The following GALNT17 variants were observed in gnomAD, a reference collection of about 807,000 sequenced individuals.
The protein encoded by GALNT17 is UDP-GalNAc:polypeptide N-acetylgalactosaminyltransferase-like 3.
GALNT17 carries 29 observed loss-of-function variants against 63.7 expected under a neutral mutation model. That is an observed-to-expected ratio of 0.46 (90% CI 0.34 to 0.62). The LOEUF is 0.62. Among genes scored for constraint, GALNT17 ranks in the 20% least tolerant of loss-of-function variants. The probability of loss-of-function intolerance (pLI) is 0.01; values close to 1 mark genes in which losing one functional copy is unlikely to be tolerated. For synonymous variants in GALNT17, 305 were observed against 318.3 expected (o/e 0.96, Z 0.45); for missense variants, 603 against 799.6 (o/e 0.75, Z 2.97).
At chr7:71,682,195 G>A (rs1354846277) in intron 9 of GALNT17, among the ~76,000 whole-genome samples, 1 of 152,156 alleles carries the variant, frequency 6.6e-6, no homozygotes, top group African/African-American at 2.4e-5. Flanking sequence ...GCAAAGTGCT[G>A]GGATTACAGG....
At chr7:71,266,900 A>T (rs1790500964) in intron 1 of GALNT17, among the ~76,000 whole-genome samples, 1 of 152,140 alleles carries the variant, frequency 6.6e-6, no homozygotes, top group Admixed American at 6.5e-5. Context: ...TTAGTAAAGG[A>T]GGCTGAAGAC....
At chr7:71,175,500 G>A (rs901040658) in intron 1 of GALNT17, among the ~76,000 whole-genome samples, 2 of 152,130 alleles carry the variant, frequency 1.3e-5, no homozygotes, top group Admixed American at 6.6e-5. Flanking sequence ...TTATGCAGGG[G>A]AGTGACTTGT....
intron 5 of GALNT17, among the ~76,000 whole-genome samples, chr7:71,519,441 A>G (rs1424145735): frequency 4.6e-5 from 7 of 152,002 alleles, no homozygotes; most frequent in Non-Finnish European, 1.0e-4. Context: ...CCAATCTCTG[A>G]GCTCTACTGC....
intron 5 of GALNT17, among the ~76,000 whole-genome samples, chr7:71,548,661 C>G (rs910409665): frequency 4.6e-5 from 7 of 152,204 alleles, no homozygotes; most frequent in Non-Finnish European, 1.0e-4. Flanking sequence ...GATCGTGAGG[C>G]CTCCCCAGCC....
chr7:71,364,345 T>C (rs1416155026), intron 2 of GALNT17, among the ~76,000 whole-genome samples: 2 of 152,184 alleles, frequency 1.3e-5, no homozygotes, highest in East Asian at 3.9e-4. Context: ...CTTTTCCTTC[T>C]CTGAGTGTCC....
chr7:71,651,116 C>T (rs552532903), intron 6 of GALNT17, among the ~76,000 whole-genome samples: 1 of 148,420 alleles, frequency 6.7e-6, no homozygotes, highest in East Asian at 2.0e-4. Flanking sequence ...AGTGTTTGAA[C>T]TGTCAGAGTC....
At chr7:71,280,508 C>G (rs1343698655) in intron 1 of GALNT17, among the ~76,000 whole-genome samples, 1 of 152,170 alleles carries the variant, frequency 6.6e-6, no homozygotes, top group Non-Finnish European at 1.5e-5. Context: ...TGAAGACCCT[C>G]TTGGTTGCAA....
chr7:71,492,287 A>T (rs767818532), intron 5 of GALNT17, among the ~76,000 whole-genome samples: 6 of 152,144 alleles, frequency 3.9e-5, no homozygotes, highest in East Asian at 1.9e-4. Context: ...CAAAATAAAT[A>T]AATAAATTAA....
At chr7:71,661,715 C>T (rs1034093372) in intron 6 of GALNT17, among the ~76,000 whole-genome samples, 1 of 152,120 alleles carries the variant, frequency 6.6e-6, no homozygotes, top group African/African-American at 2.4e-5. Context: ...CTTGCTGGAC[C>T]CCACAGCAGG....
chr7:71,377,114 A>AAAAAAAAAAAAAATAT, intron 2 of GALNT17, among the ~76,000 whole-genome samples: 1 of 57,486 alleles, frequency 1.7e-5, no homozygotes, highest in Non-Finnish European at 3.0e-5. Flanking sequence ...AAATAAAAAA[A>AAAAAAAAAAAAAATAT]ATATATATAT....
At chr7:71,582,436 G>T (rs1789649936) in intron 6 of GALNT17, among the ~76,000 whole-genome samples, 1 of 150,110 alleles carries the variant, frequency 6.7e-6, no homozygotes, top group Non-Finnish European at 1.5e-5. Flanking sequence ...AAAAAAAATA[G>T]CTGGGCATGG....
rs371165535 is a variant in GALNT17 at position 71,292,864 on chromosome 7, C to G, written c.239-42686C>G. Among the ~76,000 whole-genome samples the G allele has an allele frequency of 3.9e-5, 6 of 152,190 alleles. No homozygotes were observed. The East Asian group carries it at 9.7e-4, about 25-fold the overall frequency. On this transcript the variant is annotated intron_variant, in intron 1 of 10. Transcript: ENST00000333538. ...ATTTGACCCAAATCACCCCATTCTT[C>G]CCTCCCCCCATCCTCTGGAAATTAG...
chr7:71,240,373 C>A (rs1040367927), intron 1 of GALNT17, among the ~76,000 whole-genome samples: 1 of 152,232 alleles, frequency 6.6e-6, no homozygotes, highest in African/African-American at 2.4e-5. Context: ...GTGAACTCAT[C>A]ACCTAGGTAG....
chr7:71,406,968 A>G (rs1793339221), intron 3 of GALNT17, among the ~76,000 whole-genome samples: 1 of 152,224 alleles, frequency 6.6e-6, no homozygotes. Flanking sequence ...AAAAGAGATG[A>G]TGCAGAAATG....
chr7:71,699,499 CA>C (rs1007280885), intron 9 of GALNT17, among the ~76,000 whole-genome samples: 14 of 134,942 alleles, frequency 1.0e-4, no homozygotes, highest in Admixed American at 2.2e-4. Flanking sequence ...ACCCAAAAAA[CA>C]AAAAAAAAAC....
At chr7:71,644,555 G>GAA (rs113737797) in intron 6 of GALNT17, among the ~76,000 whole-genome samples, 4 of 111,662 alleles carry the variant, frequency 3.6e-5, no homozygotes, top group African/African-American at 6.4e-5. Flanking sequence ...AAAAACAAAA[G>GAA]AAAAAAAAAA....
rs149190075 is a variant in GALNT17 at position 71,697,676 on chromosome 7, C to A, written c.1501-13085C>A. On this transcript the variant is annotated intron_variant, in intron 9 of 10. Transcript: ENST00000333538. ...ATAGATTTCACAGATAGTGGCTTGG[C>A]CATAATTTGGTGAATGAGCATCACA... Among the ~76,000 whole-genome samples, 475 of 152,222 alleles carry A rather than the reference C, an allele frequency of 3.1e-3. 2 individuals are homozygous for A. Among genetic ancestry groups the A allele is most frequent in the Middle Eastern group, 0.024 (7 of 294 alleles).
intron 6 of GALNT17, among the ~76,000 whole-genome samples, chr7:71,597,127 T>G (rs1319038668): frequency 6.6e-6 from 1 of 151,606 alleles, no homozygotes; most frequent in Non-Finnish European, 1.5e-5. Flanking sequence ...AAGCTCCACC[T>G]CCCGGGCTCA....
intron 1 of GALNT17, among the ~76,000 whole-genome samples, chr7:71,141,689 T>TG (rs1787895279): frequency 6.6e-6 from 1 of 151,092 alleles, no homozygotes; most frequent in African/African-American, 2.4e-5. Flanking sequence ...CTTTTTTTTT[T>TG]TTTTTGAAAC....
Sources: gnomAD v4.1 joint callset for allele counts (sites outside exome capture counted in the v4.1 genomes callset) on GRCh38, gnomAD v4.1.1 for gene constraint, MANE v1.5 for transcripts, NCBI Gene and HGNC (gene_info 2026-07-23, HGNC 2026-07-21) for gene names.